Variants in AKT3 observed in about 807,000 individuals in gnomAD.
The protein encoded by AKT3 is AKT serine/threonine kinase 3.
In AKT3, 15 loss-of-function variants were observed where a neutral mutation model predicts 65.3. That is an observed-to-expected ratio of 0.23 (90% CI 0.15 to 0.35). The LOEUF (loss-of-function observed/expected upper bound fraction) is 0.35, where lower values mean the gene tolerates loss of function less well. Ranked by LOEUF, AKT3 falls within the 10% of genes least tolerant of loss-of-function variation. The pLI, the probability that AKT3 is intolerant of heterozygous loss-of-function variation, is 1.00. For synonymous variants in AKT3, 206 were observed against 183.8 expected, an observed-to-expected ratio of 1.12 and a Z score of -0.98; for missense variants, 243 against 576.5, an observed-to-expected ratio of 0.42 and a Z score of 5.92.
At chr1:243,533,441 G>A (rs936192284) in intron 12 of AKT3, among the ~76,000 whole-genome samples, 2 of 152,238 alleles carry the variant, frequency 1.3e-5, no homozygotes, top group Admixed American at 6.5e-5. Context: ...TTCTACACAA[G>A]AGCAAAGTAC....
Position 243,492,611 on chromosome 1 carries a change from T to G in AKT3, c.*7-4161A>C, listed in dbSNP as rs1574410329. 2.1e-5 allele frequency among the ~76,000 whole-genome samples: 3 copies of G among 142,550 alleles called. No homozygotes were observed. The South Asian group carries it at 6.9e-4, about 33-fold the overall frequency. 93.5% of individuals were successfully genotyped at this position (142,550 alleles called of 152,430 possible). On this transcript the variant is annotated intron_variant, in intron 13 of 13. Coordinates refer to the AKT3 transcript ENST00000336199. ...GAGCCACTGCGCCCAGCTGTTTTTT[T>G]TTTTTTTTTTTTTTTTGATGAGTTT...
chr1:243,597,824 T>C (rs900371475), intron 8 of AKT3, among the ~76,000 whole-genome samples: 1 of 152,220 alleles, frequency 6.6e-6, no homozygotes, highest in African/African-American at 2.4e-5. Flanking sequence ...AGACCATCTG[T>C]CTTGCTCATG....
Position 243,502,066 on chromosome 1 carries a change from A to T in AKT3, c.*3183T>A. The T allele has an allele frequency of 4.3e-6, 1 of 232,610 alleles. No individual in the cohort carries two copies. Among genetic ancestry groups the T allele is most frequent in the Non-Finnish European group, 8.5e-6 (1 of 117,672 alleles). 14.4% of individuals were successfully genotyped at this position (232,610 alleles called of 1,614,324 possible). ...GGTCAAGAAATGTCACAAACTATAA[A>T]GCTACAGGGAGGTAATTCAATTACC... is the stretch of plus-strand genomic sequence containing the variant. On this transcript the variant is annotated 3_prime_UTR_variant, in exon 14 of 14. Coordinates refer to ENST00000673466, the MANE Select transcript of AKT3 (RefSeq NM_005465.7).
chr1:243,571,565 T>C (rs994585433), intron 9 of AKT3, among the ~76,000 whole-genome samples: 1 of 152,142 alleles, frequency 6.6e-6, no homozygotes, highest in African/African-American at 2.4e-5. Flanking sequence ...CCCCTACAAA[T>C]AGGATTCATA....
Position 243,850,023 on chromosome 1 carries a change from G to A in AKT3, c.-113+17C>T, listed in dbSNP as rs988080781. 5.1e-6 allele frequency: 5 copies of A among 986,982 alleles called. No individual in the cohort carries two copies. Among genetic ancestry groups the A allele is most frequent in the African/African-American group, 1.8e-5 (1 of 56,760 alleles). 61.1% of individuals were successfully genotyped at this position (986,982 alleles called of 1,614,324 possible). On this transcript the variant is annotated intron_variant, in intron 1 of 13. Transcript: ENST00000673466. ...CCAGGCGGGGAGGGGGCTAGAGTTG[G>A]GGGCGGTGGCTGTTACCTGCAACGG...
intron 4 of AKT3, among the ~76,000 whole-genome samples, chr1:243,653,890 T>A (rs1681563778): frequency 6.6e-6 from 1 of 152,206 alleles, no homozygotes; most frequent in South Asian, 2.1e-4. Flanking sequence ...CCATGATCAA[T>A]CTTTTTCAAT....
At chr1:243,802,916 A>T (rs1692464969) in intron 2 of AKT3, among the ~76,000 whole-genome samples, 1 of 152,230 alleles carries the variant, frequency 6.6e-6, no homozygotes, top group African/African-American at 2.4e-5. Flanking sequence ...TCAGAAGCCA[A>T]GATGGGAGGA....
intron 5 of AKT3, 113 bp downstream of exon 5, chr1:243,645,780 T>C: frequency 9.4e-7 from 1 of 1,062,460 alleles, no homozygotes; most frequent in Non-Finnish European, 1.3e-6. Context: ...GACCCACCAA[T>C]ATATTTACAT....
At chr1:243,838,686 A>G (rs1409569973) in intron 2 of AKT3, among the ~76,000 whole-genome samples, 1 of 152,204 alleles carries the variant, frequency 6.6e-6, no homozygotes, top group Non-Finnish European at 1.5e-5. Context: ...GAATTAAGCT[A>G]TCTTGTGAGA....
intron 4 of AKT3, among the ~76,000 whole-genome samples, chr1:243,652,650 A>C (rs371010671): frequency 6.6e-6 from 1 of 151,954 alleles, no homozygotes; most frequent in Non-Finnish European, 1.5e-5. Flanking sequence ...ACAGACTGGC[A>C]AATTGGATAA....
intron 3 of AKT3, among the ~76,000 whole-genome samples, chr1:243,671,912 T>G (rs1360887862): frequency 6.6e-6 from 1 of 152,174 alleles, no homozygotes; most frequent in Non-Finnish European, 1.5e-5. Flanking sequence ...GAGAATACAC[T>G]GCTAGGAAAA....
intron 12 of AKT3, among the ~76,000 whole-genome samples, chr1:243,536,775 AAAG>A (rs1420572751): frequency 1.3e-5 from 2 of 152,200 alleles, no homozygotes; most frequent in Admixed American, 6.5e-5. Context: ...CTCATGACCA[AAAG>A]AAGACACTAA....
In AKT3 at chr1:243,664,809, T is replaced by C. The variant is rs1415378343; in HGVS notation, c.247A>G (p.Ile83Val). The change falls in exon 4 of 14, where the codon ATA becomes GTA. Residue 83 changes from isoleucine (I) to valine (V), a missense_variant. Transcript: ENST00000673466. ...GTATCTACATGAAATGTTCTCTCTA[T>C]AACAGTAGTCCACTGGAGACATCTG... ...IIRCLQWTTVIERTFHVDTPE... is the reference protein window; with the variant it reads ...IIRCLQWTTVVERTFHVDTPE... 1.9e-6 allele frequency: 3 copies of C among 1,585,932 alleles called. No individual in the cohort carries two copies.
intron 8 of AKT3, among the ~76,000 whole-genome samples, chr1:243,598,905 ACTTTT>A (rs1389431724): frequency 1.3e-5 from 2 of 152,114 alleles, no homozygotes; most frequent in Non-Finnish European, 2.9e-5. Context: ...TTTAATACAT[ACTTTT>A]GATTGAATGA....
chr1:243,750,027 C>G (rs1028994735), intron 2 of AKT3, among the ~76,000 whole-genome samples: 26 of 152,118 alleles, frequency 1.7e-4, no homozygotes, highest in African/African-American at 5.3e-4. Flanking sequence ...GCTTTCTTCT[C>G]CTTCTCATAT....
At chr1:243,839,543 T>C (rs370159403) in intron 2 of AKT3, among the ~76,000 whole-genome samples, 182 of 152,322 alleles carry the variant, frequency 1.2e-3, no homozygotes, top group African/African-American at 4.1e-3. Flanking sequence ...TTAATACTTA[T>C]CATTTTCAAC....
intron 9 of AKT3, among the ~76,000 whole-genome samples, chr1:243,567,549 G>A (rs1266850281): frequency 4.4e-5 from 6 of 137,606 alleles, no homozygotes; most frequent in East Asian, 2.2e-4. Context: ...GGCTGGTCCC[G>A]AACTCCTGAG....
intron 2 of AKT3, among the ~76,000 whole-genome samples, chr1:243,814,331 T>C: frequency 6.6e-6 from 1 of 152,306 alleles, no homozygotes; most frequent in Middle Eastern, 3.4e-3. Context: ...ATATCTAACA[T>C]TTATTTTAAA....
chr1:243,704,148 C>A (rs1300998234), intron 2 of AKT3, among the ~76,000 whole-genome samples: 1 of 152,122 alleles, frequency 6.6e-6, no homozygotes, highest in Non-Finnish European at 1.5e-5. Flanking sequence ...AACTCCTGCC[C>A]AGCTCACTCA....
Sources: allele counts gnomAD v4.1 joint callset (sites outside exome capture counted in the v4.1 genomes callset), GRCh38; gene constraint gnomAD v4.1.1; transcripts MANE v1.5; gene names NCBI Gene and HGNC (gene_info 2026-07-23, HGNC 2026-07-21).